Variants in ADGRV1 observed in about 807,000 individuals in gnomAD.
The protein encoded by ADGRV1 is adhesion G protein-coupled receptor V1, also known as G-protein coupled receptor 98.
In ADGRV1, 359 loss-of-function variants were observed where a neutral mutation model predicts 596.2. The observed-to-expected ratio is 0.60, with a 90% CI of 0.55 to 0.66. The LOEUF (loss-of-function observed/expected upper bound fraction) is 0.66. ADGRV1 is among the 30% of genes least tolerant of loss of function. The probability of loss-of-function intolerance (pLI) is 0.00; values close to 1 mark genes in which losing one functional copy is unlikely to be tolerated. For missense variants in ADGRV1, 7,274 were observed against 7,575.6 expected (o/e 0.96, Z 1.48); for synonymous variants, 2,681 against 2,679.2 (o/e 1.00, Z -0.02).
chr5:90,643,433 A>G (rs1767265972), intron 13 of ADGRV1, among the ~76,000 whole-genome samples: 1 of 152,194 alleles, frequency 6.6e-6, no homozygotes, highest in African/African-American at 2.4e-5. Context: ...TGAGTTTTAT[A>G]TTAATGGAAC....
At chr5:90,994,060 CTT>C (rs542927882) in intron 85 of ADGRV1, among the ~76,000 whole-genome samples, 20 of 134,604 alleles carry the variant, frequency 1.5e-4, no homozygotes, top group Non-Finnish European at 1.6e-4. Context: ...CTTTTCTTTT[CTT>C]TTTTTTTTTT....
intron 85 of ADGRV1, among the ~76,000 whole-genome samples, chr5:91,015,077 T>A (rs1027425057): frequency 3.3e-5 from 5 of 152,106 alleles, no homozygotes; most frequent in African/African-American, 1.2e-4. Context: ...TGGCATTTTG[T>A]ATCTTTGTTC....
Position 90,697,131 on chromosome 5 carries a change from G to A in ADGRV1, c.8140G>A (p.Val2714Ile). 6.2e-7 allele frequency: 1 copy of A among 1,612,812 alleles called. No individual in the cohort carries two copies. The highest frequency in any genetic ancestry group is 1.7e-5 in the Admixed American group (1 of 59,994). The change falls in exon 34 of 90, where the codon GTC becomes ATC. Residue 2714 changes from valine to isoleucine, a missense_variant. Val to Ile is a conservative substitution (Grantham distance 29, BLOSUM62 3). This residue lies in a region of ADGRV1 where 3,643 missense variants were observed against 3,809.2 expected (regional missense o/e 0.96). Transcript: ENST00000405460. ...TAGCTTTCAGACAGCTTCCAGATCT[G>A]TCATAGGTCATGAAGGTGGGTTCCT... The part of the protein sequence containing the change: ...IVSFQTASRS[V>I]IGHEGEILQF...
chr5:90,879,314 C>T lies in ADGRV1; in HGVS notation c.17856+15457C>T, dbSNP rs115715229. ...ATTCATTTGAAAAGCAATCCATATG[C>T]ACATTTTGGAAACAAAAGAAGTATC... On this transcript the variant is annotated intron_variant, in intron 83 of 89. Transcript: ENST00000405460. Among the ~76,000 whole-genome samples, 1,311 of 152,160 alleles carry T rather than the reference C, an allele frequency of 8.6e-3. 15 individuals carry two copies. The highest frequency in any genetic ancestry group is 0.03 in the African/African-American group (1,265 of 41,512).
chr5:91,032,036 G>A (rs1302836481), intron 85 of ADGRV1, among the ~76,000 whole-genome samples: 1 of 152,240 alleles, frequency 6.6e-6, no homozygotes, highest in East Asian at 1.9e-4. Context: ...CATGCGGGCT[G>A]CAATTTTAAA....
intron 8 of ADGRV1, 77 bp downstream of exon 8, chr5:90,628,909 C>G (rs1036268102): frequency 4.1e-5 from 55 of 1,328,736 alleles, no homozygotes; most frequent in African/African-American, 1.3e-4. Context: ...TCATACACAT[C>G]AACTTTATGT....
rs908393116 is a variant in ADGRV1 at position 90,798,772 on chromosome 5, A to G, written c.14518-3967A>G. On this transcript the variant is annotated intron_variant, in intron 70 of 89. Coordinates refer to ENST00000405460, the MANE Select transcript of ADGRV1 (RefSeq NM_032119.4). ...ACCTGGGATGCAAGGCTGGTTCAAC[A>G]TATGCAAATCATTAAAAGTAATCCA... Among the ~76,000 whole-genome samples, 23 of 152,356 alleles carry G rather than the reference A, an allele frequency of 1.5e-4. 1 individual carries two copies. Among genetic ancestry groups the G allele is most frequent in the Admixed American group, 1.4e-3 (22 of 15,310 alleles).
At chr5:91,122,442 A>G (rs1314895424) in intron 87 of ADGRV1, among the ~76,000 whole-genome samples, 2 of 152,242 alleles carry the variant, frequency 1.3e-5, no homozygotes, top group African/African-American at 4.8e-5. Flanking sequence ...ACACACATAA[A>G]GAAAAGCAGA....
rs79181398 is a variant in ADGRV1 at position 90,965,216 on chromosome 5, C to T, written c.17857-199C>T. 3.9e-4 allele frequency among the ~76,000 whole-genome samples: 60 copies of T among 152,206 alleles called. 1 individual carries two copies. The East Asian group carries it at 0.01, about 26-fold the overall frequency. On this transcript the variant is annotated intron_variant, in intron 83 of 89. Transcript: ENST00000405460. ...ACATGTAGCATAATTTCATATCATG[C>T]GCTGTTTCTTAGAAATATAAAAATC...
chr5:91,123,770 A>G (rs921923148), intron 87 of ADGRV1, among the ~76,000 whole-genome samples: 7 of 152,206 alleles, frequency 4.6e-5, no homozygotes, highest in African/African-American at 1.7e-4. Context: ...ATTCTGTTGC[A>G]GGAACTGTTG....
chr5:90,724,570 T>C (rs1274718479), intron 45 of ADGRV1, among the ~76,000 whole-genome samples: 1 of 152,290 alleles, frequency 6.6e-6, no homozygotes, highest in East Asian at 1.9e-4. Context: ...GAAAAGTATG[T>C]GTAGGTATAA....
intron 85 of ADGRV1, among the ~76,000 whole-genome samples, chr5:91,029,242 A>G (rs1355207744): frequency 2.0e-5 from 3 of 152,332 alleles, no homozygotes; most frequent in African/African-American, 7.2e-5. Context: ...AGATGTACCT[A>G]TCCTTCAGCA....
At chr5:90,942,295 A>G (rs1776225979) in intron 83 of ADGRV1, among the ~76,000 whole-genome samples, 1 of 152,234 alleles carries the variant, frequency 6.6e-6, no homozygotes, top group Non-Finnish European at 1.5e-5. Context: ...GAAAACTCTT[A>G]AGAGGCAGAC....
chr5:90,572,679 C>T (rs1756694040), intron 1 of ADGRV1, among the ~76,000 whole-genome samples: 2 of 152,064 alleles, frequency 1.3e-5, no homozygotes, highest in African/African-American at 4.8e-5. Context: ...CAATATCTAA[C>T]AAATTATGCT....
chr5:90,899,766 T>G (rs752224568), intron 83 of ADGRV1, among the ~76,000 whole-genome samples: 1 of 152,036 alleles, frequency 6.6e-6, no homozygotes, highest in Non-Finnish European at 1.5e-5. Context: ...CCTTCCAGAC[T>G]CTCATGCTCC....
intron 85 of ADGRV1, among the ~76,000 whole-genome samples, chr5:91,063,885 A>ATGGTGGTGG (rs1176804411): frequency 2.6e-5 from 4 of 152,022 alleles, no homozygotes; most frequent in African/African-American, 9.7e-5. Context: ...GATGGTGGTG[A>ATGGTGGTGG]TGCTGATGGA....
chr5:91,148,160 G>A (rs781086205), intron 87 of ADGRV1, among the ~76,000 whole-genome samples: 18 of 152,274 alleles, frequency 1.2e-4, no homozygotes, highest in South Asian at 2.1e-4. Context: ...GCAGCCTGAC[G>A]ATGCAGTAGA....
chr5:91,027,323 A>C (rs1477094281), intron 85 of ADGRV1, among the ~76,000 whole-genome samples: 1 of 152,136 alleles, frequency 6.6e-6, no homozygotes, highest in East Asian at 1.9e-4. Flanking sequence ...CTCATCCTAC[A>C]GGTTAAAAAC....
chr5:91,089,590 T>C (rs1395805684), intron 86 of ADGRV1, among the ~76,000 whole-genome samples: 1 of 152,180 alleles, frequency 6.6e-6, no homozygotes, highest in Non-Finnish European at 1.5e-5. Context: ...TGATAACTCA[T>C]TCAAATATTT....
Sources: allele counts gnomAD v4.1 joint callset (sites outside exome capture counted in the v4.1 genomes callset), GRCh38; gene constraint gnomAD v4.1.1; regional missense constraint gnomAD v4.1.1; transcripts MANE v1.5; gene names NCBI Gene and HGNC (gene_info 2026-07-23, HGNC 2026-07-21).